The following LIAS variants were observed in gnomAD, a reference collection of about 807,000 sequenced individuals.
The protein encoded by LIAS is lipoyl synthase, mitochondrial.
In LIAS, 36 loss-of-function variants were observed where a neutral mutation model predicts 49.4. The observed-to-expected ratio is 0.73, with a 90% CI of 0.56 to 0.96. LIAS has a LOEUF of 0.96. Ranked by LOEUF, LIAS falls within the 40% of genes least tolerant of loss-of-function variation. LIAS has a pLI of 0.00. For synonymous variants in LIAS, 145 were observed against 155.8 expected (o/e 0.93, Z 0.52); for missense variants, 399 against 456.3 (o/e 0.87, Z 1.14).
At chr4:39,464,084 A>G (rs1011247615) in intron 4 of LIAS, 2 of 152,238 alleles carry the variant, frequency 1.3e-5, no homozygotes, top group Non-Finnish European at 2.9e-5. Flanking sequence ...TAAGCTCAGC[A>G]TTTTGGGAGG....
rs1184621128 is a variant in LIAS at position 39,460,884 on chromosome 4, A to G, written c.140A>G (p.Asp47Gly). Residue 47 changes from aspartate (D) to glycine (G), a missense_variant, in exon 2 of 11, where the codon GAT becomes GGT. Transcript: ENST00000640888. ...CTACAGAATGGACCAGACCTTCAAGATTTTGTATCTGGTGATCTTGCAGAC... is the reference window on the plus strand; with the variant it reads ...CTACAGAATGGACCAGACCTTCAAGGTTTTGTATCTGGTGATCTTGCAGAC... The part of the protein sequence containing the change: ...ELLQNGPDLQ[D>G]FVSGDLADRS... The G allele has an allele frequency of 1.2e-6, 2 of 1,613,418 alleles. No individual in the cohort carries two copies. Among genetic ancestry groups the G allele is most frequent in the East Asian group, 4.5e-5 (2 of 44,866 alleles).
chr4:39,462,237 G>A lies in LIAS; in HGVS notation c.260G>A (p.Gly87Glu). The A allele has an allele frequency of 1.9e-6, 3 of 1,562,244 alleles. No individual in the cohort carries two copies. Among genetic ancestry groups the A allele is most frequent in the Middle Eastern group, 1.7e-4 (1 of 5,832 alleles). ...PPWLKTEIPM[G>E]KNYNKLKNTL... ...TGGCTAAAGACAGAGATTCCCATGG[G>A]GAAAAATTACAATAAACTGAAAAAT... The change falls in exon 3 of 11, where the codon GGG becomes GAG. Residue 87 changes from glycine (G) to glutamate (E), a missense_variant. Physicochemically the swap from Gly to Glu is moderately conservative, Grantham distance 98 (BLOSUM62 -2). Coordinates refer to ENST00000640888, the MANE Select transcript of LIAS (RefSeq NM_006859.4).
chr4:39,462,742 C>T lies in LIAS; in HGVS notation c.312+453C>T, dbSNP rs550357429. Among the ~76,000 whole-genome samples, 228 of 152,284 alleles carry T rather than the reference C, an allele frequency of 1.5e-3. 2 individuals carry two copies. The highest frequency in any genetic ancestry group is 4.9e-3 in the African/African-American group (204 of 41,558). On this transcript the variant is annotated intron_variant, in intron 3 of 10. Coordinates refer to ENST00000640888, the MANE Select transcript of LIAS (RefSeq NM_006859.4). The stretch of plus-strand genomic sequence containing the variant: ...GCTCACACCTATAATTCCAGTACTT[C>T]GGAAGGCCGAGGTGGGAGGATCACC...
At chr4:39,459,263 T>A (rs1202554509) in intron 1 of LIAS, 101 bp downstream of exon 1, 2 of 1,060,492 alleles carry the variant, frequency 1.9e-6, no homozygotes, top group Admixed American at 4.9e-5. Flanking sequence ...TACTGAACAT[T>A]TACTACTAGC....
Position 39,473,223 on chromosome 4 carries a change from T to G in LIAS, c.1066+12T>G. On this transcript the variant is annotated intron_variant, in intron 10 of 10. Transcript: ENST00000640888. ...TTCATATAAAGCAGGTAAGTTAGAT[T>G]GTGGGGCATGGTTTCATTTAGGCCG... 6.6e-7 allele frequency: 1 copy of G among 1,505,724 alleles called. No homozygotes were observed. Among genetic ancestry groups the G allele is most frequent in the Non-Finnish European group, 9.2e-7 (1 of 1,081,316 alleles). 93.3% of individuals were successfully genotyped at this position (1,505,724 alleles called of 1,614,324 possible).
rs370817832 is a variant in LIAS at position 39,459,083 on chromosome 4, C to T, written c.-35C>T. 28 of 1,613,510 alleles carry T rather than the reference C, an allele frequency of 1.7e-5. No individual in the cohort carries two copies. The highest frequency in any genetic ancestry group is 1.6e-4 in the African/African-American group (12 of 74,934). On this transcript the variant is annotated 5_prime_UTR_variant, in exon 1 of 11. Transcript: ENST00000640888. ...GTCCTTTCCCGGGAGTTAGCGATCC[C>T]TCAACCCCTGCACTGCGCTAGTCCT...
chr4:39,476,228 C>T (rs1431494761), intron 10 of LIAS: 1 of 152,154 alleles, frequency 6.6e-6, no homozygotes, highest in African/African-American at 2.4e-5. Flanking sequence ...GAGCATTAGA[C>T]TAAAATGATG....
At position 39,463,518 on chromosome 4, in the gene LIAS, C is replaced by T; in HGVS notation, c.313-7C>T. ...CCTAATGGTGTTCCATTTCCTTTTG[C>T]ATACAGGTATGTGAGGAAGCTCGAT... is the stretch of plus-strand genomic sequence containing the variant. On this transcript the variant is annotated splice_polypyrimidine_tract_variant and splice_region_variant and intron_variant, in intron 3 of 10. Coordinates refer to ENST00000640888, the MANE Select transcript of LIAS (RefSeq NM_006859.4). The T allele has an allele frequency of 6.3e-7, 1 of 1,592,884 alleles. No individual in the cohort carries two copies. Among genetic ancestry groups the T allele is most frequent in the Non-Finnish European group, 8.6e-7 (1 of 1,167,628 alleles).
At chr4:39,461,073 C>T in intron 2 of LIAS, 111 bp downstream of exon 2, 1 of 881,462 alleles carries the variant, frequency 1.1e-6, no homozygotes, top group Non-Finnish European at 1.7e-6. Context: ...TTAAATTTAG[C>T]TAAAAATCAT....
intron 3 of LIAS, 67 bp from the exon 4 acceptor site, chr4:39,463,458 C>T (rs1744622713): frequency 1.4e-6 from 2 of 1,431,562 alleles, no homozygotes; most frequent in Middle Eastern, 1.9e-4. Context: ...TGTCTAATCA[C>T]AGTCACCAAC....
At chr4:39,471,093 G>T in intron 8 of LIAS, 143 bp from the exon 9 acceptor site, 1 of 609,898 alleles carries the variant, frequency 1.6e-6, no homozygotes, top group Non-Finnish European at 2.9e-6. Flanking sequence ...ACTTTTGAAT[G>T]AATAGATGTT....
At chr4:39,459,591 G>A (rs1392343392) in intron 1 of LIAS, among the ~76,000 whole-genome samples, 2 of 152,206 alleles carry the variant, frequency 1.3e-5, no homozygotes, top group African/African-American at 4.8e-5. Context: ...GGCACTCTTT[G>A]AGTTGTCGAA....
Position 39,459,114 on chromosome 4 carries a change from G to C in LIAS, c.-4G>C. The C allele has an allele frequency of 1.2e-5, 20 of 1,614,142 alleles. No homozygotes were observed. The highest frequency in any genetic ancestry group is 1.7e-5 in the Non-Finnish European group (20 of 1,180,030). On this transcript the variant is annotated 5_prime_UTR_variant, in exon 1 of 11. Transcript: ENST00000640888. ...CCCTGCACTGCGCTAGTCCTAAAGA[G>C]GAAATGTCTCTACGCTGCGGGGATG...
chr4:39,470,771 A>AG (rs1460645182), intron 8 of LIAS: 1 of 157,948 alleles, frequency 6.3e-6, no homozygotes, highest in Non-Finnish European at 1.4e-5. Context: ...CCTGCTGTTT[A>AG]CCACATTGCA....
intron 4 of LIAS, 125 bp from the exon 5 acceptor site, chr4:39,464,921 G>T: frequency 1.5e-6 from 1 of 663,266 alleles, no homozygotes; most frequent in Non-Finnish European, 2.5e-6. Context: ...AGTTTTGAAT[G>T]TTTCAAATTT....
chr4:39,470,122 G>A lies in LIAS; in HGVS notation c.841G>A (p.Gly281Ser), dbSNP rs1310167452. 1 of 1,613,620 alleles carries A rather than the reference G, an allele frequency of 6.2e-7. No homozygotes were observed. Among genetic ancestry groups the A allele is most frequent in the Non-Finnish European group, 8.5e-7 (1 of 1,179,802 alleles). ...DVISKTSIML[G>S]LGENDEQVYA... Reference sequence around the variant, plus strand: ...TATTTCTAAAACATCTATAATGTTGGGTTTAGGCGAGAATGATGAGCAAGT... The same window carrying A: ...TATTTCTAAAACATCTATAATGTTGAGTTTAGGCGAGAATGATGAGCAAGT... Residue 281 changes from glycine (G) to serine (S), a missense_variant, in exon 8 of 11, where the codon GGT becomes AGT. Gly to Ser is a moderately conservative substitution (Grantham distance 56). This residue lies in a region of LIAS where 234 missense variants were observed against 292.2 expected (regional missense o/e 0.80). Coordinates refer to ENST00000640888, the MANE Select transcript of LIAS (RefSeq NM_006859.4).
chr4:39,467,509 T>C lies in LIAS; in HGVS notation c.609-9T>C. The C allele has an allele frequency of 6.3e-7, 1 of 1,574,988 alleles. No individual in the cohort carries two copies. The highest frequency in any genetic ancestry group is 8.6e-7 in the Non-Finnish European group (1 of 1,162,932). ...CTCTCTGTTTGATAATTCTCTCTTTTCCCCTTAGGAATCCAAAAATCCTTG... is the reference window on the plus strand; with the variant it reads ...CTCTCTGTTTGATAATTCTCTCTTTCCCCCTTAGGAATCCAAAAATCCTTG... On this transcript the variant is annotated splice_polypyrimidine_tract_variant and intron_variant, in intron 6 of 10. Coordinates refer to ENST00000640888, the MANE Select transcript of LIAS (RefSeq NM_006859.4).
At chr4:39,476,792 A>G (rs990664226) in intron 10 of LIAS, 1 of 367,566 alleles carries the variant, frequency 2.7e-6, no homozygotes, top group Non-Finnish European at 4.9e-6. Context: ...GCAGACCCAT[A>G]TATACAGTAG....
chr4:39,462,268 G>A lies in LIAS; in HGVS notation c.291G>A (p.Leu97=). Residue 97 remains leucine (L), a synonymous_variant, in exon 3 of 11, where the codon TTG becomes TTA. Coordinates refer to ENST00000640888, the MANE Select transcript of LIAS (RefSeq NM_006859.4). ...GKNYNKLKNT[L]RNLNLHTVCE... is the part of the protein sequence containing the mutation. ...ATTACAATAAACTGAAAAATACTTT[G>A]CGGAATTTAAATCTCCATACAGTAA... 1 of 1,560,332 alleles carries A rather than the reference G, an allele frequency of 6.4e-7. No homozygotes were observed. Among genetic ancestry groups the A allele is most frequent in the Non-Finnish European group, 8.7e-7 (1 of 1,153,354 alleles).
Sources: allele counts gnomAD v4.1 joint callset (sites outside exome capture counted in the v4.1 genomes callset), GRCh38; gene constraint gnomAD v4.1.1; regional missense constraint gnomAD v4.1.1; transcripts MANE v1.5; gene names NCBI Gene and HGNC (gene_info 2026-07-23, HGNC 2026-07-21).